CDH18: variants seen among roughly 807,000 people sequenced by gnomAD.
CDH18 encodes the protein cadherin-18.
CDH18 carries 31 observed loss-of-function variants against 67.9 expected under a neutral mutation model. The ratio of observed to expected loss-of-function variants is 0.46; its 90% confidence interval spans 0.34 to 0.62. CDH18 has a LOEUF of 0.62. CDH18 is among the 20% of genes least tolerant of loss of function. The probability of loss-of-function intolerance (pLI) is 0.01; values close to 1 mark genes in which losing one functional copy is unlikely to be tolerated. For synonymous variants in CDH18, 362 were observed against 347.2 expected, an observed-to-expected ratio of 1.04 and a Z score of -0.48; for missense variants, 890 against 975.5, an observed-to-expected ratio of 0.91 and a Z score of 1.17.
chr5:20,418,070 T>TTTTTTA (rs1747477108), intron 1 of CDH18, among the ~76,000 whole-genome samples: 1 of 151,762 alleles, frequency 6.6e-6, no homozygotes, highest in Admixed American at 6.6e-5. Context: ...TTATTTTTTG[T>TTTTTTA]TTTTTATTTT....
chr5:19,833,977 T>A (rs898793826), intron 3 of CDH18, among the ~76,000 whole-genome samples: 1 of 152,006 alleles, frequency 6.6e-6, no homozygotes, highest in Non-Finnish European at 1.5e-5. Flanking sequence ...GGCCTGAAGA[T>A]TTTTTTGTTG....
rs949694436 is a variant in CDH18, at chr5:20,422,492, A to G, written c.-580+152970T>C. On this transcript the variant is annotated intron_variant, in intron 1 of 14. Coordinates refer to the CDH18 transcript ENST00000507958. ...TGACACATTATTATATTAAATTAATAATGTAAGATAAATGTGTTGTTTTCT... is the reference window on the plus strand; with the variant it reads ...TGACACATTATTATATTAAATTAATGATGTAAGATAAATGTGTTGTTTTCT... 7.9e-5 allele frequency among the ~76,000 whole-genome samples: 12 copies of G among 151,118 alleles called. 2 individuals are homozygous for G. The highest frequency in any genetic ancestry group is 2.6e-4 in the Admixed American group (4 of 15,222).
chr5:19,716,863 A>G (rs1240112453), intron 5 of CDH18, among the ~76,000 whole-genome samples: 1 of 152,126 alleles, frequency 6.6e-6, no homozygotes, highest in Non-Finnish European at 1.5e-5. Flanking sequence ...TATTTTATAA[A>G]TAAATATTCT....
rs183796575 is a variant in CDH18, at chr5:20,069,691, G to A, written c.-517-77677C>T. 3.7e-3 allele frequency among the ~76,000 whole-genome samples: 559 copies of A among 152,188 alleles called. 2 individuals carry two copies. Among genetic ancestry groups the A allele is most frequent in the Non-Finnish European group, 6.6e-3 (447 of 68,012 alleles). On this transcript the variant is annotated intron_variant, in intron 2 of 14. Transcript: ENST00000507958. ...CTCCAAAAGTGCTGGGATTACAGAC[G>A]TGAGCCACTGCGCCCAGCCATTTTT...
chr5:19,635,904 C>T (rs917026219), intron 5 of CDH18, among the ~76,000 whole-genome samples: 3 of 152,068 alleles, frequency 2.0e-5, no homozygotes, highest in Non-Finnish European at 4.4e-5. Context: ...AGGAGACATT[C>T]CTGTTAATTT....
intron 2 of CDH18, among the ~76,000 whole-genome samples, chr5:20,160,580 A>G (rs374958238): frequency 6.6e-6 from 1 of 152,214 alleles, no homozygotes; most frequent in East Asian, 1.9e-4. Context: ...TCTTCACTTG[A>G]AAAATAACAT....
rs116805465 is a variant in CDH18, at chr5:19,870,378, T to C, written c.-256-31136A>G. ...AATACAGTTTTGGGAGAAAAGATAG[T>C]TTTCTCTAGATATTGCAAAATCAGA... On this transcript the variant is annotated intron_variant, in intron 2 of 12. Transcript: ENST00000382275. Among the ~76,000 whole-genome samples, 805 of 152,254 alleles carry C rather than the reference T, an allele frequency of 5.3e-3. 10 individuals carry two copies. Among genetic ancestry groups the C allele is most frequent in the African/African-American group, 0.018 (767 of 41,548 alleles).
intron 2 of CDH18, among the ~76,000 whole-genome samples, chr5:19,920,116 A>G (rs562071935): frequency 5.8e-4 from 89 of 152,282 alleles, no homozygotes; most frequent in African/African-American, 2.1e-3. Context: ...GAATCCCATA[A>G]TATTTTCAGT....
chr5:19,954,182 G>T (rs1401060254), intron 2 of CDH18, among the ~76,000 whole-genome samples: 2 of 151,972 alleles, frequency 1.3e-5, no homozygotes, highest in Middle Eastern at 3.2e-3. Flanking sequence ...AATAATGTGT[G>T]CTGCTTTTCA....
At chr5:19,724,198 T>C (rs1410145692) in intron 4 of CDH18, among the ~76,000 whole-genome samples, 2 of 152,134 alleles carry the variant, frequency 1.3e-5, no homozygotes, top group South Asian at 4.1e-4. Context: ...GAATAGACTA[T>C]GGGTACATGC....
rs1554106663 is a variant in CDH18, at chr5:20,242,620, A to ACATATATATATATACATG, written c.-518+12823_-518+12824insCATGTATATATATATATG. ...GGAAAAAAAAAAAAAAAATATATATATATATATATATATGTATATATATAT... is the reference window on the plus strand; with the variant it reads ...GGAAAAAAAAAAAAAAAATATATATACATATATATATATACATGTATATATATATATGTATATATATAT... On this transcript the variant is annotated intron_variant, in intron 2 of 14. Transcript: ENST00000507958. Among the ~76,000 whole-genome samples the ACATATATATATATACATG allele has an allele frequency of 3.2e-3, 223 of 68,836 alleles. 4 individuals carry two copies. Among genetic ancestry groups the ACATATATATATATACATG allele is most frequent in the South Asian group, 9.3e-3 (21 of 2,246 alleles). The allele number at this position is 68,836 out of a possible 152,430, so 45.2% of individuals were successfully genotyped here. A position where few individuals can be genotyped will look rare whatever the true frequency, so the allele number is the denominator to read the frequency against.
chr5:20,337,999 C>T (rs1266894889), intron 1 of CDH18, among the ~76,000 whole-genome samples: 1 of 152,168 alleles, frequency 6.6e-6, no homozygotes, highest in African/African-American at 2.4e-5. Flanking sequence ...TGCAGGGAAA[C>T]TTCCCCTTAT....
chr5:19,492,394 TG>T (rs1741613384), intron 11 of CDH18, among the ~76,000 whole-genome samples: 1 of 152,156 alleles, frequency 6.6e-6, no homozygotes, highest in South Asian at 2.1e-4. Flanking sequence ...ATTATATTCC[TG>T]GAAGTCTGGC....
chr5:19,593,707 C>CCTTCTTCTTCTT (rs1554054958), intron 6 of CDH18, among the ~76,000 whole-genome samples: 529 of 33,290 alleles, frequency 0.016, 16 homozygotes, highest in African/African-American at 0.018. Context: ...TCCTCCTCCT[C>CCTTCTTCTTCTT]CTTCTTCTTC....
At chr5:19,894,787 G>A (rs1789128772) in intron 2 of CDH18, among the ~76,000 whole-genome samples, 1 of 152,038 alleles carries the variant, frequency 6.6e-6, no homozygotes, top group South Asian at 2.1e-4. Flanking sequence ...TCTTTTCTCA[G>A]ACTTGTTCAA....
At chr5:19,842,408 G>A (rs549041646) in intron 2 of CDH18, among the ~76,000 whole-genome samples, 6 of 152,182 alleles carry the variant, frequency 3.9e-5, no homozygotes, top group South Asian at 2.1e-4. Context: ...AAGATCTGAC[G>A]GTTTTATAAG....
At chr5:19,499,679 A>G (rs2126734619) in intron 11 of CDH18, among the ~76,000 whole-genome samples, 1 of 152,168 alleles carries the variant, frequency 6.6e-6, no homozygotes, top group Admixed American at 6.5e-5. Flanking sequence ...CATTTTTGTC[A>G]TAATTTATGC....
At chr5:19,869,656 A>G (rs1289785690) in intron 2 of CDH18, among the ~76,000 whole-genome samples, 1 of 152,122 alleles carries the variant, frequency 6.6e-6, no homozygotes, top group Non-Finnish European at 1.5e-5. Flanking sequence ...ATTAAATGAG[A>G]TCATCCATTT....
chr5:19,746,921 C>G, intron 4 of CDH18, 21 bp downstream of exon 4: 1 of 1,600,032 alleles, frequency 6.2e-7, no homozygotes, highest in Non-Finnish European at 8.5e-7. Flanking sequence ...ATTGCATAAT[C>G]ACAAAAATGA....
Sources: gnomAD v4.1 joint callset for allele counts (sites outside exome capture counted in the v4.1 genomes callset) on GRCh38, gnomAD v4.1.1 for gene constraint, MANE v1.5 for transcripts, NCBI Gene and HGNC (gene_info 2026-07-23, HGNC 2026-07-21) for gene names.